AFF3: variants seen among roughly 807,000 people sequenced by gnomAD.
The protein encoded by AFF3 is AF4/FMR2 family member 3.
Under a neutral mutation model 129.7 loss-of-function variants are expected in AFF3, and 32 were observed. The observed-to-expected ratio is 0.25, with a 90% CI of 0.19 to 0.33. AFF3 has a LOEUF of 0.33. Among genes scored for constraint, AFF3 ranks in the 10% least tolerant of loss-of-function variants. The pLI is 1.00. For synonymous variants in AFF3, 644 were observed against 635.4 expected (o/e 1.01, Z -0.20); for missense variants, 1,373 against 1,592.0 (o/e 0.86, Z 2.34).
rs566108476 is a variant in AFF3 at position 99,726,987 on chromosome 2, A to G, written c.1091+90T>C. Reference sequence around the variant, plus strand: ...GAACCATGGGCTTCCTTCCATCATCATTATTACTATTACAAGATACTTGCA... The same window carrying G: ...GAACCATGGGCTTCCTTCCATCATCGTTATTACTATTACAAGATACTTGCA... On this transcript the variant is annotated intron_variant, in intron 11 of 24. Coordinates refer to ENST00000672756, the MANE Select transcript of AFF3 (RefSeq NM_001386135.1). The G allele has an allele frequency of 1.1e-5, 13 of 1,162,072 alleles. No individual in the cohort carries two copies. In the South Asian group the frequency reaches 1.8e-4, roughly 16 times the overall value. The allele number at this position is 1,162,072 out of a possible 1,614,324, so 72.0% of individuals were successfully genotyped here. A position where few individuals can be genotyped will look rare whatever the true frequency, so the allele number is the denominator to read the frequency against.
intron 7 of AFF3, among the ~76,000 whole-genome samples, chr2:99,856,446 C>A (rs1421037848): frequency 6.6e-6 from 1 of 152,026 alleles, no homozygotes; most frequent in Non-Finnish European, 1.5e-5. Flanking sequence ...ATTGAATTGT[C>A]CATTTAAAAT....
At chr2:99,723,208 C>G (rs901448688) in intron 11 of AFF3, among the ~76,000 whole-genome samples, 2 of 152,138 alleles carry the variant, frequency 1.3e-5, no homozygotes, top group Non-Finnish European at 2.9e-5. Context: ...CCTGAATGCT[C>G]ATAGGATCAC....
intron 1 of AFF3, among the ~76,000 whole-genome samples, chr2:100,138,619 T>C (rs979857633): frequency 6.6e-6 from 1 of 152,142 alleles, no homozygotes; most frequent in African/African-American, 2.4e-5. Context: ...GTGGTCATCA[T>C]CCAGGGCTTG....
intron 7 of AFF3, among the ~76,000 whole-genome samples, chr2:99,888,641 T>TTAA (rs1408036464): frequency 1.3e-5 from 2 of 152,212 alleles, no homozygotes; most frequent in African/African-American, 2.4e-5. Context: ...CGATGTGACT[T>TTAA]TAAGAACTCT....
At chr2:100,103,342 C>T (rs1024234137) in intron 4 of AFF3, among the ~76,000 whole-genome samples, 1 of 151,588 alleles carries the variant, frequency 6.6e-6, no homozygotes. Flanking sequence ...AAAAAAAGCT[C>T]AGCTCTACAA....
At chr2:100,050,633 T>C (rs999952061) in intron 4 of AFF3, among the ~76,000 whole-genome samples, 1 of 152,222 alleles carries the variant, frequency 6.6e-6, no homozygotes, top group Non-Finnish European at 1.5e-5. Context: ...TACACAGCAC[T>C]GTGCACAAGT....
intron 4 of AFF3, among the ~76,000 whole-genome samples, chr2:100,090,342 G>A (rs960404442): frequency 2.6e-5 from 4 of 152,110 alleles, no homozygotes; most frequent in African/African-American, 9.7e-5. Flanking sequence ...ACCAGATGTG[G>A]CAAACAGTTG....
At chr2:99,668,665 C>A (rs570473748) in intron 12 of AFF3, among the ~76,000 whole-genome samples, 1 of 151,882 alleles carries the variant, frequency 6.6e-6, no homozygotes, top group Non-Finnish European at 1.5e-5. Flanking sequence ...CAGGTTCAAG[C>A]GATTCTCCTG....
At chr2:100,058,938 A>G (rs1028311439) in intron 4 of AFF3, among the ~76,000 whole-genome samples, 18 of 152,208 alleles carry the variant, frequency 1.2e-4, no homozygotes, top group African/African-American at 4.3e-4. Flanking sequence ...AATAATAAAA[A>G]GAAAACCTAT....
At chr2:99,647,077 T>C (rs999930379) in intron 13 of AFF3, among the ~76,000 whole-genome samples, 1 of 152,232 alleles carries the variant, frequency 6.6e-6, no homozygotes, top group Non-Finnish European at 1.5e-5. Flanking sequence ...TCAGTCATTG[T>C]GGAAGACATT....
intron 12 of AFF3, among the ~76,000 whole-genome samples, chr2:99,671,234 A>T (rs1687116965): frequency 6.6e-6 from 1 of 152,236 alleles, no homozygotes; most frequent in Non-Finnish European, 1.5e-5. Context: ...CATCATGTAG[A>T]TAAGAAGCCA....
intron 8 of AFF3, among the ~76,000 whole-genome samples, chr2:99,789,732 G>A (rs1350732635): frequency 1.3e-5 from 2 of 152,156 alleles, no homozygotes; most frequent in Non-Finnish European, 2.9e-5. Context: ...GATATTGCTC[G>A]AGGATTCGGA....
chr2:100,086,235 A>G (rs1025159387), intron 4 of AFF3, among the ~76,000 whole-genome samples: 4 of 152,244 alleles, frequency 2.6e-5, no homozygotes, highest in Admixed American at 6.5e-5. Context: ...AAGAATTCCC[A>G]TATCTGGCTG....
chr2:100,024,872 T>G (rs546558020), intron 4 of AFF3, among the ~76,000 whole-genome samples: 9 of 152,220 alleles, frequency 5.9e-5, no homozygotes, highest in African/African-American at 1.4e-4. Flanking sequence ...TATAGACACA[T>G]GAAAATTTTA....
At chr2:99,960,662 G>C (rs528606098) in intron 7 of AFF3, among the ~76,000 whole-genome samples, 1 of 152,148 alleles carries the variant, frequency 6.6e-6, no homozygotes, top group Admixed American at 6.5e-5. Flanking sequence ...TTTCTTCTTT[G>C]CCTCCCTCTC....
chr2:99,632,270 C>A (rs1683194188), intron 13 of AFF3, among the ~76,000 whole-genome samples: 1 of 152,112 alleles, frequency 6.6e-6, no homozygotes, highest in South Asian at 2.1e-4. Flanking sequence ...CCGCTTCGGC[C>A]TCCCACAGTG....
At chr2:99,890,096 T>C (rs544622496) in intron 7 of AFF3, among the ~76,000 whole-genome samples, 9 of 152,284 alleles carry the variant, frequency 5.9e-5, no homozygotes, top group Admixed American at 2.6e-4. Context: ...CACAGTGTTC[T>C]CCCCCGAGTG....
chr2:100,036,868 A>T (rs1684961837), intron 4 of AFF3, among the ~76,000 whole-genome samples: 1 of 151,952 alleles, frequency 6.6e-6, no homozygotes, highest in South Asian at 2.1e-4. Flanking sequence ...AAACAAAAAC[A>T]AATAAGGAAA....
At chr2:99,738,559 A>G (rs1046458673) in intron 10 of AFF3, among the ~76,000 whole-genome samples, 6 of 152,124 alleles carry the variant, frequency 3.9e-5, no homozygotes, top group Non-Finnish European at 7.3e-5. Flanking sequence ...TAGATTTCCT[A>G]GATTTCCTTT....
Sources: allele counts gnomAD v4.1 joint callset (sites outside exome capture counted in the v4.1 genomes callset), GRCh38; gene constraint gnomAD v4.1.1; transcripts MANE v1.5; gene names NCBI Gene and HGNC (gene_info 2026-07-23, HGNC 2026-07-21).